Variants in FANCD2OS observed in about 807,000 individuals in gnomAD.
FANCD2OS encodes FANCD2 opposite strand protein.
A neutral mutation model predicts 13.2 loss-of-function variants in FANCD2OS; 11 were observed. The ratio of observed to expected loss-of-function variants is 0.83; its 90% CI spans 0.52 to 1.38. FANCD2OS has a LOEUF of 1.38. FANCD2OS is among the 40% of genes most tolerant of loss of function. The probability of loss-of-function intolerance (pLI) is 0.00; values close to 1 mark genes in which losing one functional copy is unlikely to be tolerated. For missense variants in FANCD2OS, 217 were observed against 213.9 expected (o/e 1.01, Z -0.09); for synonymous variants, 69 against 84.5 (o/e 0.82, Z 1.01).
chr3:10,088,694 T>G (rs756030123), intron 2 of FANCD2OS: 5 of 1,140,782 alleles, frequency 4.4e-6, no homozygotes, highest in South Asian at 1.3e-5. Flanking sequence ...ATGTGGATCT[T>G]AAGATCCTCT....
chr3:10,099,234 C>T, downstream of FANCD2OS: 2 of 1,334,014 alleles, frequency 1.5e-6, no homozygotes, highest in Non-Finnish European at 1.9e-6. Context: ...AGCACAGAGT[C>T]AGAAGCTGCC....
At chr3:10,101,697 A>C (rs1034476200), downstream of FANCD2OS, 1 of 270,602 alleles carries the variant, frequency 3.7e-6, no homozygotes, top group South Asian at 6.2e-5. Flanking sequence ...TTTGTTCTTA[A>C]AGTGGGGTCT....
At chr3:10,098,275 C>T (rs1391132013), downstream of FANCD2OS, among the ~76,000 whole-genome samples, 3 of 152,102 alleles carry the variant, frequency 2.0e-5, no homozygotes, top group Non-Finnish European at 4.4e-5. Context: ...TGGGTGGAGC[C>T]GGAGTTTGAG....
intron 2 of FANCD2OS, among the ~76,000 whole-genome samples, chr3:10,083,014 C>A (rs941568514): frequency 6.6e-6 from 1 of 152,092 alleles, no homozygotes; most frequent in African/African-American, 2.4e-5. Context: ...ATCACTTGAG[C>A]TCAGGAGTTC....
At chr3:10,093,143 G>T in intron 2 of FANCD2OS, 1 of 689,386 alleles carries the variant, frequency 1.5e-6, no homozygotes, top group Non-Finnish European at 2.6e-6. Context: ...ATTCTGCTTT[G>T]TAATATTAAT....
downstream of FANCD2OS, chr3:10,099,309 A>G: frequency 8.2e-7 from 1 of 1,221,782 alleles, no homozygotes; most frequent in Non-Finnish European, 1.0e-6. Flanking sequence ...TGCTTTCGAC[A>G]ATTTAAAGAA....
At position 10,105,764 on chromosome 3, in the gene FANCD2OS, AAAAAAAATTATATAT is replaced by A. The variant is rs1319950298; in HGVS notation, c.-8-997_-8-983del. Among the ~76,000 whole-genome samples, 32 of 67,068 alleles carry A rather than the reference AAAAAAAATTATATAT, an allele frequency of 4.8e-4. 4 individuals carry two copies. The highest frequency in any genetic ancestry group is 2.2e-3 in the African/African-American group (21 of 9,594). The allele number at this position is 67,068 out of a possible 152,430, so 44.0% of individuals were successfully genotyped here. ...AGACTCCATCTAAAAAAAAAAAAAA[AAAAAAAATTATATAT>A]ATATATATATATATATATATATATA... is the stretch of plus-strand genomic sequence containing the variant. On this transcript the variant is annotated intron_variant, in intron 1 of 1. Coordinates refer to ENST00000450660, the MANE Select transcript of FANCD2OS (RefSeq NM_001164839.2).
rs35070534 is a variant in FANCD2OS at position 10,092,431 on chromosome 3, AT to A, written c.*44-10901del. On this transcript the variant is annotated intron_variant, in intron 2 of 2. Transcript: ENST00000524279. ...TGGATAACCCCTTTTCTCACTAGGC[AT>A]TTTTTTTTTTGTCTTTTCCTTCCTT... Among the ~76,000 whole-genome samples, 19,465 of 144,624 alleles carry A rather than the reference AT, an allele frequency of 0.13. 1,802 individuals are homozygous for A. Among genetic ancestry groups the A allele is most frequent in the African/African-American group, 0.27 (10,839 of 39,828 alleles). 94.9% of individuals were successfully genotyped at this position (144,624 alleles called of 152,430 possible). A position where few individuals can be genotyped will look rare whatever the true frequency, so the allele number is the denominator to read the frequency against.
At chr3:10,088,659 G>A (rs1694387715) in intron 2 of FANCD2OS, 1 of 1,089,682 alleles carries the variant, frequency 9.2e-7, no homozygotes, top group African/African-American at 1.5e-5. Flanking sequence ...AATGAAGTAG[G>A]TTAAAAATGA....
Position 10,095,106 on chromosome 3 carries a change from T to A in FANCD2OS, c.*43+9092A>T, listed in dbSNP as rs549444424. 2.6e-5 allele frequency: 28 copies of A among 1,076,424 alleles called. 1 individual carries two copies. In the African/African-American group the frequency reaches 3.4e-4, roughly 13 times the overall value. The allele number at this position is 1,076,424 out of a possible 1,614,324, so 66.7% of individuals were successfully genotyped here. On this transcript the variant is annotated intron_variant, in intron 2 of 2. Transcript: ENST00000524279. Reference sequence around the variant, plus strand: ...CAGCATAGGCTGGAAACTGCAGAGTTTATCCTCTTTGGAGCTTTTGATTGC... The same window carrying A: ...CAGCATAGGCTGGAAACTGCAGAGTATATCCTCTTTGGAGCTTTTGATTGC...
Position 10,085,900 on chromosome 3 carries a change from C to T in FANCD2OS, c.*44-4369G>A. On this transcript the variant is annotated intron_variant, in intron 2 of 2. Transcript: ENST00000524279. ...CCGACTGAAACAGGGAGAACACAGC[C>T]AGCCTTTGGAGGAACTACTCAGGTG... The T allele has an allele frequency of 6.2e-7, 1 of 1,612,592 alleles. No individual in the cohort carries two copies. Among genetic ancestry groups the T allele is most frequent in the Non-Finnish European group, 8.5e-7 (1 of 1,178,726 alleles).
downstream of FANCD2OS, chr3:10,099,390 A>G (rs951645292): frequency 1.0e-5 from 11 of 1,079,920 alleles, no homozygotes; most frequent in South Asian, 2.7e-5. Flanking sequence ...TTTGAGGCCA[A>G]GGTAGGAGGA....
chr3:10,086,612 G>T (rs887428012), intron 2 of FANCD2OS, among the ~76,000 whole-genome samples: 1 of 152,014 alleles, frequency 6.6e-6, no homozygotes, highest in African/African-American at 2.4e-5. Flanking sequence ...CTCCCAAGAC[G>T]CTGGGATTAC....
intron 2 of FANCD2OS, among the ~76,000 whole-genome samples, chr3:10,082,388 G>A (rs2125062134): frequency 6.6e-6 from 1 of 152,206 alleles, no homozygotes; most frequent in Admixed American, 6.5e-5. Context: ...GCCTCTCTCA[G>A]TCCATTCTTC....
chr3:10,101,462 T>G (rs1036450509), downstream of FANCD2OS: 11 of 533,022 alleles, frequency 2.1e-5, no homozygotes, highest in African/African-American at 1.3e-4. Flanking sequence ...CTTGGCTCAC[T>G]GCAACCTCCA....
rs571381500 is a variant in FANCD2OS, at chr3:10,104,795, A to G, written c.-8-13T>C. 1.3e-6 allele frequency: 2 copies of G among 1,533,754 alleles called. No homozygotes were observed. The highest frequency in any genetic ancestry group is 1.3e-5 in the South Asian group (1 of 78,240). ...GCCATTGACAGTCCTAAAGGAGGGA[A>G]ATCAGAGCATGGAATTTCCCTGACA... On this transcript the variant is annotated splice_polypyrimidine_tract_variant and intron_variant, in intron 1 of 1. Coordinates refer to ENST00000450660, the MANE Select transcript of FANCD2OS (RefSeq NM_001164839.2).
intron 2 of FANCD2OS, among the ~76,000 whole-genome samples, chr3:10,081,682 G>T (rs35480284): frequency 6.6e-6 from 1 of 152,270 alleles, no homozygotes; most frequent in East Asian, 1.9e-4. Flanking sequence ...TGACAGATTA[G>T]GTGACTTGCT....
At chr3:10,085,225 C>A (rs148087395) in intron 2 of FANCD2OS, among the ~76,000 whole-genome samples, 24 of 152,032 alleles carry the variant, frequency 1.6e-4, no homozygotes, top group Non-Finnish European at 2.8e-4. Context: ...ATGGCCCAGG[C>A]GTGGTGGCTC....
In FANCD2OS at chr3:10,087,198, C is replaced by T. The variant is rs587778332; in HGVS notation, c.*44-5667G>A. 10 of 1,613,038 alleles carry T rather than the reference C, an allele frequency of 6.2e-6. No homozygotes were observed. The Admixed American group carries it at 1.5e-4, about 24-fold the overall frequency. On this transcript the variant is annotated intron_variant, in intron 2 of 2. Transcript: ENST00000524279. Reference sequence around the variant, plus strand: ...TCCCAGTTTCCAGTGTGCTCTTTATCTCATCAGACTTTTGATGGTTATTTT... The same window carrying T: ...TCCCAGTTTCCAGTGTGCTCTTTATTTCATCAGACTTTTGATGGTTATTTT...
Sources: allele counts gnomAD v4.1 joint callset (sites outside exome capture counted in the v4.1 genomes callset), GRCh38; gene constraint gnomAD v4.1.1; transcripts MANE v1.5; gene names NCBI Gene and HGNC (gene_info 2026-07-23, HGNC 2026-07-21).